The following SLC35F1 variants were observed in gnomAD, a reference collection of about 807,000 sequenced individuals.
SLC35F1 encodes the protein chromosome 6 open reading frame 169.
In SLC35F1, 14 loss-of-function variants were observed where a neutral mutation model predicts 48.7. The ratio of observed to expected loss-of-function variants is 0.29; its 90% CI spans 0.19 to 0.45. SLC35F1 has a LOEUF of 0.45. Among genes scored for constraint, SLC35F1 ranks in the 20% least tolerant of loss-of-function variants. The pLI, the probability that SLC35F1 is intolerant of heterozygous loss-of-function variation, is 1.00. For missense variants in SLC35F1, 404 were observed against 500.0 expected (o/e 0.81, Z 1.83); for synonymous variants, 190 against 202.2 (o/e 0.94, Z 0.51).
intron 1 of SLC35F1, among the ~76,000 whole-genome samples, chr6:118,125,092 CT>C (rs1773604848): frequency 6.6e-6 from 1 of 152,146 alleles, no homozygotes. Context: ...ACTCATGTGT[CT>C]TAAAATATGC....
intron 1 of SLC35F1, among the ~76,000 whole-genome samples, chr6:117,929,183 C>G (rs1451227968): frequency 6.6e-6 from 1 of 152,048 alleles, no homozygotes; most frequent in Non-Finnish European, 1.5e-5. Flanking sequence ...TATTTCTTCC[C>G]TGCTATATAA....
At chr6:118,246,145 C>T (rs189934216) in intron 3 of SLC35F1, among the ~76,000 whole-genome samples, 428 of 152,276 alleles carry the variant, frequency 2.8e-3, no homozygotes, top group Non-Finnish European at 4.9e-3. Context: ...ATATGGTTGG[C>T]AGTATGGATT....
At chr6:118,011,034 G>A (rs994684585) in intron 1 of SLC35F1, among the ~76,000 whole-genome samples, 4 of 152,120 alleles carry the variant, frequency 2.6e-5, no homozygotes, top group Non-Finnish European at 5.9e-5. Flanking sequence ...GTGGGTAGAG[G>A]CCAGGGGTGC....
intron 4 of SLC35F1, among the ~76,000 whole-genome samples, chr6:118,270,076 A>C (rs183618808): frequency 1.3e-5 from 2 of 152,316 alleles, no homozygotes; most frequent in African/African-American, 4.8e-5. Context: ...ACAATTTTGC[A>C]CAGGAAAAGA....
chr6:118,037,188 T>C (rs1479688576), intron 1 of SLC35F1, among the ~76,000 whole-genome samples: 3 of 152,200 alleles, frequency 2.0e-5, no homozygotes, highest in African/African-American at 7.2e-5. Context: ...CATCTCTATG[T>C]CATTATATTT....
At chr6:117,919,186 A>T (rs1246123585) in intron 1 of SLC35F1, among the ~76,000 whole-genome samples, 3 of 152,272 alleles carry the variant, frequency 2.0e-5, no homozygotes, top group Non-Finnish European at 2.9e-5. Context: ...ATGAGCCATC[A>T]CACCTGGTGA....
At chr6:118,061,590 G>GTATATATA (rs58046512) in intron 1 of SLC35F1, among the ~76,000 whole-genome samples, 3 of 144,418 alleles carry the variant, frequency 2.1e-5, no homozygotes, top group East Asian at 4.1e-4. Context: ...GTGTGTGTGT[G>GTATATATA]TATATATATA....
intron 1 of SLC35F1, among the ~76,000 whole-genome samples, chr6:118,146,377 C>T (rs962872648): frequency 2.0e-5 from 3 of 152,124 alleles, no homozygotes; most frequent in African/African-American, 7.2e-5. Flanking sequence ...CTCTGTTTAC[C>T]CATATCTTCT....
At chr6:117,974,373 A>G (rs746901563) in intron 1 of SLC35F1, among the ~76,000 whole-genome samples, 2 of 152,232 alleles carry the variant, frequency 1.3e-5, no homozygotes, top group South Asian at 4.1e-4. Flanking sequence ...TTTTTATTGA[A>G]TGGATGAATG....
chr6:118,036,004 A>AT (rs1311196649), intron 1 of SLC35F1, among the ~76,000 whole-genome samples: 1 of 152,006 alleles, frequency 6.6e-6, no homozygotes, highest in Non-Finnish European at 1.5e-5. Context: ...GGCTTTGTTA[A>AT]TTTTTTAAAA....
At chr6:118,133,947 A>G (rs1369128628) in intron 1 of SLC35F1, among the ~76,000 whole-genome samples, 1 of 152,220 alleles carries the variant, frequency 6.6e-6, no homozygotes, top group Non-Finnish European at 1.5e-5. Flanking sequence ...CTTCTTGGTC[A>G]ACACCTGTTT....
At chr6:118,190,298 T>C (rs996509083) in intron 2 of SLC35F1, among the ~76,000 whole-genome samples, 1 of 152,184 alleles carries the variant, frequency 6.6e-6, no homozygotes, top group Non-Finnish European at 1.5e-5. Flanking sequence ...TGGTCTGTTC[T>C]GGACCAGGAT....
intron 4 of SLC35F1, among the ~76,000 whole-genome samples, chr6:118,270,331 T>C (rs1178450636): frequency 6.6e-6 from 1 of 152,172 alleles, no homozygotes; most frequent in Non-Finnish European, 1.5e-5. Context: ...AAGTACTTCA[T>C]GTACAAAATA....
At chr6:118,182,325 A>AT (rs555774982) in intron 2 of SLC35F1, among the ~76,000 whole-genome samples, 69 of 146,006 alleles carry the variant, frequency 4.7e-4, no homozygotes, top group East Asian at 8.0e-4. Context: ...AAAAAGAAAA[A>AT]TTTTTTTTTT....
intron 1 of SLC35F1, chr6:117,999,002 C>T (rs111683441): frequency 0.11 from 143,884 of 1,323,846 alleles, 8,434 homozygotes; most frequent in Non-Finnish European, 0.12. Flanking sequence ...CCACACCACA[C>T]ACAACCAGTC....
intron 1 of SLC35F1, among the ~76,000 whole-genome samples, chr6:118,056,087 T>C (rs1413280209): frequency 1.3e-5 from 2 of 152,246 alleles, no homozygotes; most frequent in African/African-American, 4.8e-5. Flanking sequence ...AATCACTTAT[T>C]TGAACCATTT....
At chr6:117,936,846 A>G (rs1776168632) in intron 1 of SLC35F1, among the ~76,000 whole-genome samples, 1 of 152,178 alleles carries the variant, frequency 6.6e-6, no homozygotes, top group Non-Finnish European at 1.5e-5. Flanking sequence ...TTGATGGCTT[A>G]TGTAGGCATC....
At chr6:117,913,934 C>G (rs1184091367) in intron 1 of SLC35F1, among the ~76,000 whole-genome samples, 3 of 151,892 alleles carry the variant, frequency 2.0e-5, no homozygotes, top group African/African-American at 7.3e-5. Flanking sequence ...GCTTATAGTC[C>G]CAGCTACTCA....
At chr6:118,162,910 T>C (rs904682382) in intron 2 of SLC35F1, among the ~76,000 whole-genome samples, 3 of 152,000 alleles carry the variant, frequency 2.0e-5, no homozygotes, top group African/African-American at 7.2e-5. Flanking sequence ...AAACTTATAG[T>C]ATCCAATAGT....
Sources: allele counts gnomAD v4.1 joint callset (sites outside exome capture counted in the v4.1 genomes callset), GRCh38; gene constraint gnomAD v4.1.1; transcripts MANE v1.5; gene names NCBI Gene and HGNC (gene_info 2026-07-23, HGNC 2026-07-21).